Variants in ZNF609 observed in about 807,000 individuals in gnomAD.
ZNF609 encodes zinc finger protein 609.
A neutral mutation model predicts 109.5 loss-of-function variants in ZNF609; 11 were observed. The ratio of observed to expected loss-of-function variants is 0.10; its 90% CI spans 0.06 to 0.17. ZNF609 has a LOEUF of 0.17. Ranked by LOEUF, ZNF609 falls within the 10% of genes least tolerant of loss-of-function variation. ZNF609 has a pLI of 1.00. For missense variants in ZNF609, 1,559 were observed against 1,772.4 expected (o/e 0.88, Z 2.16); for synonymous variants, 646 against 662.0 (o/e 0.98, Z 0.37).
chr15:64,600,100 A>T (rs1361906208), intron 2 of ZNF609, among the ~76,000 whole-genome samples: 1 of 152,184 alleles, frequency 6.6e-6, no homozygotes, highest in Non-Finnish European at 1.5e-5. Context: ...AGGTGGGCAG[A>T]TAAGTCCAGG....
intron 2 of ZNF609, among the ~76,000 whole-genome samples, chr15:64,593,865 ATAAT>A (rs1567023765): frequency 6.6e-6 from 1 of 152,176 alleles, no homozygotes; most frequent in African/African-American, 2.4e-5. Context: ...ATTTCATAGT[ATAAT>A]TGAGTGGATA....
At chr15:64,465,084 G>A (rs958070044) in intron 1 of ZNF609, among the ~76,000 whole-genome samples, 1 of 152,112 alleles carries the variant, frequency 6.6e-6, no homozygotes, top group Non-Finnish European at 1.5e-5. Flanking sequence ...TGGGAGTTCT[G>A]GCTTTATGCT....
chr15:64,537,516 G>GAA (rs200689242), intron 2 of ZNF609, among the ~76,000 whole-genome samples: 1,846 of 133,806 alleles, frequency 0.014, 29 homozygotes, highest in African/African-American at 0.048. Context: ...AAAAAAAAAA[G>GAA]AAAAAGAAAA....
intron 2 of ZNF609, among the ~76,000 whole-genome samples, chr15:64,546,922 C>A (rs1259435751): frequency 6.6e-6 from 1 of 151,518 alleles, no homozygotes; most frequent in Non-Finnish European, 1.5e-5. Flanking sequence ...TCCCGAGTAG[C>A]TGGGACCACA....
chr15:64,464,188 ATGAC>A (rs1166895503), intron 1 of ZNF609, among the ~76,000 whole-genome samples: 8 of 152,216 alleles, frequency 5.3e-5, no homozygotes, highest in African/African-American at 1.9e-4. Context: ...TAGCAACTAA[ATGAC>A]TGGAACACGA....
chr15:64,517,624 A>G (rs1893832344), intron 2 of ZNF609, among the ~76,000 whole-genome samples: 1 of 151,986 alleles, frequency 6.6e-6, no homozygotes, highest in African/African-American at 2.4e-5. Flanking sequence ...AGTCCCAGCT[A>G]CTTGGAAGGC....
Position 64,593,277 on chromosome 15 carries a change from G to A in ZNF609, c.748-29550G>A, listed in dbSNP as rs1255058591. 3.3e-5 allele frequency: 50 copies of A among 1,511,518 alleles called. No individual in the cohort carries two copies. In the East Asian group the frequency reaches 1.0e-3, roughly 31 times the overall value. The allele number at this position is 1,511,518 out of a possible 1,614,324, so 93.6% of individuals were successfully genotyped here. A position where few individuals can be genotyped will look rare whatever the true frequency, so the allele number is the denominator to read the frequency against. On this transcript the variant is annotated intron_variant, in intron 2 of 9. Transcript: ENST00000326648. ...CGCAAGGACCGAACACCCCCACCCC[G>A]ATTTAGACCTGCGGGTGCTGCCCCA...
At chr15:64,604,783 C>T (rs1456808950) in intron 2 of ZNF609, among the ~76,000 whole-genome samples, 3 of 151,966 alleles carry the variant, frequency 2.0e-5, no homozygotes, top group Non-Finnish European at 2.9e-5. Flanking sequence ...TCTGCTTTCC[C>T]CTAATTTGGC....
chr15:64,511,454 C>G (rs949472014), intron 2 of ZNF609, among the ~76,000 whole-genome samples: 3 of 144,012 alleles, frequency 2.1e-5, no homozygotes, highest in Non-Finnish European at 4.5e-5. Context: ...GCACTCCAGC[C>G]TGGGCAACAA....
Position 64,588,442 on chromosome 15 carries a change from A to AAAG in ZNF609, c.748-34380_748-34378dup, listed in dbSNP as rs1555421282. On this transcript the variant is annotated intron_variant, in intron 2 of 9. Coordinates refer to ENST00000326648, the MANE Select transcript of ZNF609 (RefSeq NM_015042.2). ...CACTCTGTCTAAAAAAAAAAAAAAA[A>AAAG]AAGAAGAGGAAGACTGTACAGACTA... Among the ~76,000 whole-genome samples the AAAG allele has an allele frequency of 8.6e-3, 649 of 75,274 alleles. 77 individuals are homozygous for AAAG. The highest frequency in any genetic ancestry group is 0.032 in the African/African-American group (618 of 19,510). The allele number at this position is 75,274 out of a possible 152,430, so 49.4% of individuals were successfully genotyped here. A position where few individuals can be genotyped will look rare whatever the true frequency, so the allele number is the denominator to read the frequency against.
chr15:64,465,412 G>A (rs1218464267), intron 1 of ZNF609, among the ~76,000 whole-genome samples: 1 of 151,836 alleles, frequency 6.6e-6, no homozygotes, highest in Non-Finnish European at 1.5e-5. Flanking sequence ...ACGGAGTTTC[G>A]CTCCTGTGGC....
intron 3 of ZNF609, among the ~76,000 whole-genome samples, chr15:64,649,226 T>A (rs1440021243): frequency 6.6e-6 from 1 of 152,168 alleles, no homozygotes. Context: ...GGTGGTTTTT[T>A]AAAAAATTCT....
intron 3 of ZNF609, among the ~76,000 whole-genome samples, chr15:64,666,643 C>G (rs1896653218): frequency 6.6e-6 from 1 of 151,740 alleles, no homozygotes; most frequent in Admixed American, 6.6e-5. Flanking sequence ...TCCTGAGTAG[C>G]TGGGACTACA....
At chr15:64,592,486 G>A (rs745453726) in intron 2 of ZNF609, among the ~76,000 whole-genome samples, 3 of 152,180 alleles carry the variant, frequency 2.0e-5, no homozygotes, top group Non-Finnish European at 2.9e-5. Context: ...GCTAAGGCAC[G>A]AGAATTGCTT....
intron 3 of ZNF609, among the ~76,000 whole-genome samples, chr15:64,663,369 C>A (rs1006275769): frequency 2.0e-5 from 3 of 152,048 alleles, no homozygotes; most frequent in African/African-American, 7.2e-5. Flanking sequence ...TGTACACATG[C>A]CATTACCTCA....
At position 64,537,674 on chromosome 15, in the gene ZNF609, T is replaced by C. The variant is rs555624564; in HGVS notation, c.747+37508T>C. Reference sequence around the variant, plus strand: ...ATGGCTGGAGCATGTGGAACAGGTTTATAGAAAAACTGGATGCAAAAATTT... The same window carrying C: ...ATGGCTGGAGCATGTGGAACAGGTTCATAGAAAAACTGGATGCAAAAATTT... On this transcript the variant is annotated intron_variant, in intron 2 of 9. Transcript: ENST00000326648. 2.6e-5 allele frequency among the ~76,000 whole-genome samples: 4 copies of C among 152,272 alleles called. No homozygotes were observed. In the South Asian group the frequency reaches 8.3e-4, roughly 32 times the overall value.
In ZNF609 at chr15:64,577,115, CAT is replaced by C. The variant is rs1419127966; in HGVS notation, c.748-45707_748-45706del. On this transcript the variant is annotated intron_variant, in intron 2 of 9. Coordinates refer to ENST00000326648, the MANE Select transcript of ZNF609 (RefSeq NM_015042.2). ...ATGTATATATACACACAAATATATA[CAT>C]ATATGTGTATATATACACACAAATA... 9.5e-4 allele frequency among the ~76,000 whole-genome samples: 110 copies of C among 116,334 alleles called. 4 individuals are homozygous for C. Among genetic ancestry groups the C allele is most frequent in the African/African-American group, 3.5e-3 (105 of 30,296 alleles). 76.3% of individuals were successfully genotyped at this position (116,334 alleles called of 152,430 possible). A position where few individuals can be genotyped will look rare whatever the true frequency, so the allele number is the denominator to read the frequency against.
chr15:64,633,139 G>A (rs1367499347), intron 3 of ZNF609, among the ~76,000 whole-genome samples: 4 of 117,280 alleles, frequency 3.4e-5, no homozygotes, highest in Non-Finnish European at 6.7e-5. Context: ...GAAGTGACAC[G>A]TTTTGTTTTG....
chr15:64,655,728 G>A (rs537033440), intron 3 of ZNF609, among the ~76,000 whole-genome samples: 67 of 152,188 alleles, frequency 4.4e-4, no homozygotes, highest in African/African-American at 1.6e-3. Flanking sequence ...TACATGGGAG[G>A]CTAAGGCAGG....
Sources: gnomAD v4.1 joint callset for allele counts (sites outside exome capture counted in the v4.1 genomes callset) on GRCh38, gnomAD v4.1.1 for gene constraint, MANE v1.5 for transcripts, NCBI Gene and HGNC (gene_info 2026-07-23, HGNC 2026-07-21) for gene names.